The following HS3ST3B1 variants were observed in gnomAD, a reference collection of about 807,000 sequenced individuals.
The protein encoded by HS3ST3B1 is heparan sulfate glucosamine 3-O-sulfotransferase 3B1.
A neutral mutation model predicts 21.3 loss-of-function variants in HS3ST3B1; 13 were observed. The ratio of observed to expected loss-of-function variants is 0.61; its 90% CI spans 0.40 to 0.97. The LOEUF (loss-of-function observed/expected upper bound fraction) is 0.97, where lower values mean the gene tolerates loss of function less well. Among genes scored for constraint, HS3ST3B1 ranks in the 50% least tolerant of loss-of-function variants. The probability of loss-of-function intolerance (pLI) is 0.00; values close to 1 mark genes in which losing one functional copy is unlikely to be tolerated. For synonymous variants in HS3ST3B1, 234 were observed against 254.8 expected (o/e 0.92, Z 0.78); for missense variants, 459 against 554.8 (o/e 0.83, Z 1.73).
chr17:14,339,811 G>C (rs1167950423), intron 1 of HS3ST3B1, among the ~76,000 whole-genome samples: 1 of 152,150 alleles, frequency 6.6e-6, no homozygotes, highest in Admixed American at 6.5e-5. Flanking sequence ...GAGGTTGCTG[G>C]GATGGGCACA....
At chr17:14,327,385 C>A (rs572601027) in intron 1 of HS3ST3B1, 26 of 152,288 alleles carry the variant, frequency 1.7e-4, no homozygotes, top group African/African-American at 5.3e-4. Context: ...GGTAAAGCAT[C>A]CCAAGTTCAA....
At chr17:14,306,501 A>G (rs1567635421) in intron 1 of HS3ST3B1, among the ~76,000 whole-genome samples, 1 of 152,272 alleles carries the variant, frequency 6.6e-6, no homozygotes, top group Non-Finnish European at 1.5e-5. Context: ...ATTAACCAGC[A>G]GACAATTATA....
At chr17:14,320,111 T>C (rs1909614136) in intron 1 of HS3ST3B1, among the ~76,000 whole-genome samples, 1 of 152,072 alleles carries the variant, frequency 6.6e-6, no homozygotes, top group African/African-American at 2.4e-5. Context: ...TCCTACATTT[T>C]AGAAAAACCC....
chr17:14,339,464 AG>A (rs1910301819), intron 1 of HS3ST3B1, among the ~76,000 whole-genome samples: 1 of 152,146 alleles, frequency 6.6e-6, no homozygotes, highest in Non-Finnish European at 1.5e-5. Flanking sequence ...GAAGAAGCAA[AG>A]GAGGGTTAAG....
chr17:14,345,231 G>C lies in HS3ST3B1; in HGVS notation c.758G>C (p.Ser253Thr). 7.2e-7 allele frequency: 1 copy of C among 1,389,836 alleles called. No homozygotes were observed. Among genetic ancestry groups the C allele is most frequent in the Non-Finnish European group, 1.0e-6 (1 of 998,876 alleles). The allele number at this position is 1,389,836 out of a possible 1,614,324, so 86.1% of individuals were successfully genotyped here. Residue 253 changes from serine to threonine, a missense_variant, in exon 2 of 2, where the codon AGC (serine) becomes ACC (threonine). Ser to Thr is a moderately conservative substitution (Grantham distance 58, BLOSUM62 1). This residue lies in a region of HS3ST3B1 where 127 missense variants were observed against 209.9 expected (regional missense o/e 0.60). Coordinates refer to ENST00000360954, the MANE Select transcript of HS3ST3B1 (RefSeq NM_006041.3). ...CGGCCCGACATCCCCACCTTCGAGAGCTTGACGTTCAAAAACAGGACAGCG... is the reference window on the plus strand; with the variant it reads ...CGGCCCGACATCCCCACCTTCGAGACCTTGACGTTCAAAAACAGGACAGCG... ...SKRPDIPTFE[S>T]LTFKNRTAGL...
chr17:14,305,609 T>C (rs151062122), intron 1 of HS3ST3B1: 2 of 152,234 alleles, frequency 1.3e-5, no homozygotes, highest in African/African-American at 4.8e-5. Flanking sequence ...AATTATTGTT[T>C]GTTATACAAA....
chr17:14,312,730 C>G (rs927252704), intron 1 of HS3ST3B1, among the ~76,000 whole-genome samples: 15 of 151,826 alleles, frequency 9.9e-5, no homozygotes, highest in African/African-American at 3.6e-4. Context: ...TTGTGCTGCC[C>G]CCCACAACTA....
chr17:14,343,882 T>C (rs1910465598), intron 1 of HS3ST3B1, among the ~76,000 whole-genome samples: 1 of 144,090 alleles, frequency 6.9e-6, no homozygotes, highest in Non-Finnish European at 1.5e-5. Context: ...GGATCTAACC[T>C]CACTTAATTT....
intron 1 of HS3ST3B1, among the ~76,000 whole-genome samples, chr17:14,344,743 A>G (rs1418650156): frequency 5.3e-5 from 8 of 152,286 alleles, no homozygotes; most frequent in Admixed American, 4.6e-4. Flanking sequence ...AGCTGGGAAA[A>G]TAAGGGAAAG....
chr17:14,338,640 T>A (rs1303908346), intron 1 of HS3ST3B1, among the ~76,000 whole-genome samples: 10 of 150,620 alleles, frequency 6.6e-5, no homozygotes, highest in Middle Eastern at 3.4e-3. Context: ...ATTAGGTTTT[T>A]ACATGTTGGC....
chr17:14,322,684 C>T (rs1198812393), intron 1 of HS3ST3B1, among the ~76,000 whole-genome samples: 9 of 151,978 alleles, frequency 5.9e-5, no homozygotes, highest in Non-Finnish European at 1.0e-4. Context: ...CCCAGATGGC[C>T]GAAATCTAGA....
Position 14,301,502 on chromosome 17 carries a change from G to A in HS3ST3B1, c.-17G>A. ...CATGTGCTGAGCCATGTCCCTGGCCGCGCCCGCGGGCAGCGCATGGGGCAG... is the reference window on the plus strand; with the variant it reads ...CATGTGCTGAGCCATGTCCCTGGCCACGCCCGCGGGCAGCGCATGGGGCAG... On this transcript the variant is annotated 5_prime_UTR_variant, in exon 1 of 2. Transcript: ENST00000360954. 3 of 1,495,546 alleles carry A rather than the reference G, an allele frequency of 2.0e-6. No homozygotes were observed. The highest frequency in any genetic ancestry group is 1.8e-6 in the Non-Finnish European group (2 of 1,131,828). The allele number at this position is 1,495,546 out of a possible 1,614,324, so 92.6% of individuals were successfully genotyped here.
At chr17:14,313,227 C>T (rs1233931684) in intron 1 of HS3ST3B1, among the ~76,000 whole-genome samples, 1 of 151,706 alleles carries the variant, frequency 6.6e-6, no homozygotes, top group African/African-American at 2.4e-5. Context: ...CTTGGCCTCT[C>T]AAAGTGCTGG....
chr17:14,329,811 TA>T (rs1909949737), intron 1 of HS3ST3B1, among the ~76,000 whole-genome samples: 1 of 152,204 alleles, frequency 6.6e-6, no homozygotes, highest in African/African-American at 2.4e-5. Context: ...CCTTTAAATT[TA>T]AAAAACGATT....
rs1460440788 is a variant in HS3ST3B1, at chr17:14,301,789, C to G, written c.271C>G (p.Arg91Gly). 1.3e-6 allele frequency: 2 copies of G among 1,556,462 alleles called. No individual in the cohort carries two copies. Among genetic ancestry groups the G allele is most frequent in the South Asian group, 2.4e-5 (2 of 84,876 alleles). Residue 91 changes from arginine (R) to glycine (G), a missense_variant, in exon 1 of 2, where the codon CGG becomes GGG. By Grantham distance (125) the Arg-to-Gly change is moderately radical. Coordinates refer to ENST00000360954, the MANE Select transcript of HS3ST3B1 (RefSeq NM_006041.3). ...PDGTPPRLPF[R>G]APPATPLASG... ...CGGGACGCCCCCCAGGCTGCCGTTCCGGGCGCCGCCAGCCACCCCACTGGC... is the reference window on the plus strand; with the variant it reads ...CGGGACGCCCCCCAGGCTGCCGTTCGGGGCGCCGCCAGCCACCCCACTGGC...
intron 1 of HS3ST3B1, among the ~76,000 whole-genome samples, chr17:14,342,141 C>T (rs192953748): frequency 6.6e-5 from 10 of 152,218 alleles, no homozygotes; most frequent in East Asian, 1.9e-4. Context: ...GTTTCCGTAT[C>T]GGTGCTAGAT....
chr17:14,317,537 C>T (rs1324140261), intron 1 of HS3ST3B1, among the ~76,000 whole-genome samples: 1 of 152,200 alleles, frequency 6.6e-6, no homozygotes, highest in Non-Finnish European at 1.5e-5. Context: ...AAGACACCAT[C>T]CAGCTGGGCA....
chr17:14,341,086 T>G (rs1910365867), intron 1 of HS3ST3B1, among the ~76,000 whole-genome samples: 1 of 152,220 alleles, frequency 6.6e-6, no homozygotes, highest in African/African-American at 2.4e-5. Context: ...TCGAGCACAG[T>G]AAATCTGCCC....
chr17:14,313,108 G>GTGTGTATA (rs770879344), intron 1 of HS3ST3B1, among the ~76,000 whole-genome samples: 9 of 73,670 alleles, frequency 1.2e-4, no homozygotes, highest in Non-Finnish European at 1.5e-4. Flanking sequence ...GTGTGTGTGT[G>GTGTGTATA]TATATATATA....
Sources: allele counts gnomAD v4.1 joint callset (sites outside exome capture counted in the v4.1 genomes callset), GRCh38; gene constraint gnomAD v4.1.1; regional missense constraint gnomAD v4.1.1; transcripts MANE v1.5; gene names NCBI Gene and HGNC (gene_info 2026-07-23, HGNC 2026-07-21).